POU2F1: variants seen among roughly 807,000 people sequenced by gnomAD.
The protein encoded by POU2F1 is POU domain, class 2, transcription factor 1.
Under a neutral mutation model 84.9 loss-of-function variants are expected in POU2F1, and 16 were observed. The observed-to-expected ratio is 0.19, with a 90% CI of 0.13 to 0.29. POU2F1 has a LOEUF of 0.29. Among genes scored for constraint, POU2F1 ranks in the 10% least tolerant of loss-of-function variants. The pLI is 1.00. For missense variants in POU2F1, 738 were observed against 942.6 expected (o/e 0.78, Z 2.84); for synonymous variants, 368 against 368.3 (o/e 1.00, Z 0.01).
chr1:167,228,506 C>T (rs1018062607), intron 1 of POU2F1, among the ~76,000 whole-genome samples: 3 of 152,136 alleles, frequency 2.0e-5, no homozygotes, highest in East Asian at 1.9e-4. Context: ...GGAATAAGGA[C>T]GTTTGGGAGA....
chr1:167,403,320 G>A (rs1382797830), intron 13 of POU2F1, among the ~76,000 whole-genome samples: 1 of 152,174 alleles, frequency 6.6e-6, no homozygotes, highest in Non-Finnish European at 1.5e-5. Context: ...TTGCAGCCTT[G>A]TGATACTCTA....
chr1:167,412,310 G>A lies in POU2F1; in HGVS notation c.1901+6G>A, dbSNP rs1328882532. 3.3e-6 allele frequency: 5 copies of A among 1,528,110 alleles called. No homozygotes were observed. The African/African-American group carries it at 5.5e-5, about 17-fold the overall frequency. The allele number at this position is 1,528,110 out of a possible 1,614,324, so 94.7% of individuals were successfully genotyped here. On this transcript the variant is annotated splice_donor_region_variant and intron_variant, in intron 14 of 15. Coordinates refer to ENST00000367866, the MANE Select transcript of POU2F1 (RefSeq NM_002697.4). ...CCCTCACAGTTTGCGGCTGGGTAAG[G>A]CGCTTTCTCATCTCATTCACGTCTG...
chr1:167,278,745 T>A (rs1421257636), intron 1 of POU2F1, among the ~76,000 whole-genome samples: 1 of 152,036 alleles, frequency 6.6e-6, no homozygotes. Context: ...TTTCAGTGCT[T>A]ACAATACGCC....
chr1:167,308,089 C>T (rs572693092), intron 1 of POU2F1, among the ~76,000 whole-genome samples: 62 of 147,044 alleles, frequency 4.2e-4, no homozygotes, highest in South Asian at 3.0e-3. Flanking sequence ...TTTTTTTAGA[C>T]GGAGCCTTGC....
chr1:167,350,935 T>C (rs1658517337), intron 2 of POU2F1, among the ~76,000 whole-genome samples: 1 of 151,370 alleles, frequency 6.6e-6, no homozygotes, highest in South Asian at 2.1e-4. Flanking sequence ...GAGGCCAAGG[T>C]TGCAGTCAGC....
chr1:167,233,955 A>G (rs925211459), intron 1 of POU2F1, among the ~76,000 whole-genome samples: 2 of 152,262 alleles, frequency 1.3e-5, no homozygotes, highest in Non-Finnish European at 2.9e-5. Flanking sequence ...TGTTAATTAC[A>G]GTGACCCCCA....
Position 167,418,523 on chromosome 1 carries a change from A to C in POU2F1, c.*2713A>C, listed in dbSNP as rs1454124056. 1 of 152,226 alleles carries C rather than the reference A, an allele frequency of 6.6e-6. No homozygotes were observed. Among genetic ancestry groups the C allele is most frequent in the African/African-American group, 2.4e-5 (1 of 41,468 alleles). 9.4% of individuals were successfully genotyped at this position (152,226 alleles called of 1,614,324 possible). ...TTAGAAGGAAGGATTCAGGGAGGGA[A>C]ATGCTGGTACCCAGTATACTGGATT... On this transcript the variant is annotated 3_prime_UTR_variant, in exon 16 of 16. Transcript: ENST00000367866.
At chr1:167,264,053 A>G (rs2102444570) in intron 1 of POU2F1, among the ~76,000 whole-genome samples, 1 of 152,330 alleles carries the variant, frequency 6.6e-6, no homozygotes. Context: ...TATAGAGACA[A>G]ATATTAACCA....
Position 167,397,994 on chromosome 1 carries a change from A to G in POU2F1, c.1130A>G (p.Glu377Gly), listed in dbSNP as rs780080474. 33 of 1,609,822 alleles carry G rather than the reference A, an allele frequency of 2.0e-5. No homozygotes were observed. The highest frequency in any genetic ancestry group is 2.5e-6 in the Non-Finnish European group (3 of 1,178,416). Residue 377 changes from glutamate to glycine, a missense_variant and splice_region_variant, in exon 11 of 16, where the codon GAG becomes GGG. Glu to Gly is a moderately conservative substitution (Grantham distance 98). This residue lies in a region of POU2F1 where 95 missense variants were observed against 195.1 expected (regional missense o/e 0.49). Transcript: ENST00000367866. Reference protein sequence around the residue: ...PLLEKWLNDAENLSSDSSLSS... With the variant: ...PLLEKWLNDAGNLSSDSSLSS... ...TTCTGTATTTTCTTCATTCTTACAG[A>G]GAACCTCTCATCTGATTCGTCCCTC...
At chr1:167,358,054 G>A (rs1358137633) in intron 2 of POU2F1, among the ~76,000 whole-genome samples, 2 of 150,598 alleles carry the variant, frequency 1.3e-5, no homozygotes, top group Admixed American at 1.3e-4. Context: ...TGCCTGTCTC[G>A]ACCTTCCAAA....
chr1:167,329,244 T>C (rs771267547), intron 1 of POU2F1: 13 of 1,546,008 alleles, frequency 8.4e-6, no homozygotes, highest in Non-Finnish European at 1.0e-5. Context: ...TCTTCCTTGT[T>C]TGGACTCTCT....
chr1:167,394,087 C>T (rs568911917), intron 9 of POU2F1, among the ~76,000 whole-genome samples: 3 of 151,790 alleles, frequency 2.0e-5, no homozygotes, highest in Non-Finnish European at 2.9e-5. Context: ...GGCATGATCT[C>T]GGCTCACTGC....
rs60846607 is a variant in POU2F1, at chr1:167,294,172, CAAAAAAAAAAAAAAAAA to C, written c.62-38287_62-38271del. On this transcript the variant is annotated intron_variant, in intron 1 of 15. Coordinates refer to ENST00000367866, the MANE Select transcript of POU2F1 (RefSeq NM_002697.4). ...GTGAAACCCCGTCTCTACTAAAATA[CAAAAAAAAAAAAAAAAA>C]AAAAAAAAAATTAGCCAGGTGTGGT... Among the ~76,000 whole-genome samples the C allele has an allele frequency of 2.6e-4, 8 of 30,956 alleles. 1 individual carries two copies. Among genetic ancestry groups the C allele is most frequent in the South Asian group, 1.4e-3 (1 of 730 alleles). 20.3% of individuals were successfully genotyped at this position (30,956 alleles called of 152,430 possible).
rs1191911361 is a variant in POU2F1 at position 167,401,465 on chromosome 1, A to C, written c.1464A>C (p.Pro488=). The C allele has an allele frequency of 3.1e-6, 5 of 1,612,396 alleles. No homozygotes were observed. Among genetic ancestry groups the C allele is most frequent in the Non-Finnish European group, 4.2e-6 (5 of 1,179,278 alleles). Residue 488 remains proline, a synonymous_variant, in exon 13 of 16, where the codon CCA becomes CCC. Transcript: ENST00000367866. ...CTGACCTCAAGGTGGCGACCACACC[A>C]AGCCTTGTGACTAGCAGTGCAGCAA... ...PSPTSLVATT[P]SLVTSSAATT... is the part of the protein sequence containing the mutation.
chr1:167,344,791 T>G (rs111314518), intron 2 of POU2F1, among the ~76,000 whole-genome samples: 1 of 152,036 alleles, frequency 6.6e-6, no homozygotes, highest in Non-Finnish European at 1.5e-5. Flanking sequence ...TAGAAGGGCC[T>G]CCTAGTGAAG....
Position 167,414,798 on chromosome 1 carries a change from T to TA in POU2F1, c.1991-701dup, listed in dbSNP as rs1650194748. The stretch of plus-strand genomic sequence containing the variant: ...GCCTCAGGAAGTGAGAAATTAATTA[T>TA]ACCTTTTAACTTTATTTGGTGATAC... On this transcript the variant is annotated intron_variant, in intron 15 of 15. Coordinates refer to ENST00000367866, the MANE Select transcript of POU2F1 (RefSeq NM_002697.4). 3.2e-5 allele frequency: 28 copies of TA among 872,244 alleles called. No homozygotes were observed. In the South Asian group the frequency reaches 1.4e-3, roughly 43 times the overall value. 54.0% of individuals were successfully genotyped at this position (872,244 alleles called of 1,614,324 possible). A position where few individuals can be genotyped will look rare whatever the true frequency, so the allele number is the denominator to read the frequency against.
chr1:167,360,889 C>G (rs1659311117), intron 2 of POU2F1, among the ~76,000 whole-genome samples: 1 of 151,970 alleles, frequency 6.6e-6, no homozygotes, highest in African/African-American at 2.4e-5. Context: ...TTTTATAGTA[C>G]TCATAGATAT....
intron 2 of POU2F1, among the ~76,000 whole-genome samples, chr1:167,345,547 C>G (rs1658134157): frequency 6.6e-6 from 1 of 152,140 alleles, no homozygotes; most frequent in African/African-American, 2.4e-5. Context: ...CAGATAAACT[C>G]AGAAGGTAAA....
At chr1:167,302,536 C>T (rs370352238) in intron 1 of POU2F1, among the ~76,000 whole-genome samples, 7 of 152,244 alleles carry the variant, frequency 4.6e-5, no homozygotes, top group South Asian at 2.1e-4. Context: ...GGATTACAGG[C>T]GTGAGCCACC....
Sources: gnomAD v4.1 joint callset for allele counts (sites outside exome capture counted in the v4.1 genomes callset) on GRCh38, gnomAD v4.1.1 for gene constraint, gnomAD v4.1.1 regional missense constraint, MANE v1.5 for transcripts, NCBI Gene and HGNC (gene_info 2026-07-23, HGNC 2026-07-21) for gene names.